RANBP17: variants seen among roughly 807,000 people sequenced by gnomAD.
The protein encoded by RANBP17 is ran-binding protein 17.
In RANBP17, 158 loss-of-function variants were observed where a neutral mutation model predicts 141.2. That is an observed-to-expected ratio of 1.12 (90% CI 0.98 to 1.28). The LOEUF is 1.28. Ranked by LOEUF, RANBP17 falls within the 50% of genes most tolerant of loss-of-function variation. The pLI is 0.00. For synonymous variants in RANBP17, 430 were observed against 450.0 expected (o/e 0.96, Z 0.56); for missense variants, 1,438 against 1,290.7 (o/e 1.11, Z -1.75).
At chr5:170,920,418 A>G (rs1581147929) in intron 11 of RANBP17, among the ~76,000 whole-genome samples, 1 of 152,088 alleles carries the variant, frequency 6.6e-6, no homozygotes, top group East Asian at 1.9e-4. Context: ...AATGTTGAGC[A>G]TATTTTCATG....
At chr5:170,889,105 C>T (rs1177084133) in intron 3 of RANBP17, among the ~76,000 whole-genome samples, 3 of 150,710 alleles carry the variant, frequency 2.0e-5, no homozygotes, top group Admixed American at 2.0e-4. Context: ...TCTTTCTCTC[C>T]TTGCTTTCTT....
intron 24 of RANBP17, among the ~76,000 whole-genome samples, chr5:171,253,349 T>C (rs1765697125): frequency 6.6e-6 from 1 of 152,238 alleles, no homozygotes; most frequent in Non-Finnish European, 1.5e-5. Flanking sequence ...GAATCTGTGC[T>C]GTACTGATAA....
intron 11 of RANBP17, among the ~76,000 whole-genome samples, chr5:170,920,879 G>A (rs1287296897): frequency 6.6e-6 from 1 of 152,110 alleles, no homozygotes; most frequent in Non-Finnish European, 1.5e-5. Flanking sequence ...TCTGTTGGCT[G>A]CATAAATGTC....
intron 14 of RANBP17, among the ~76,000 whole-genome samples, chr5:171,057,355 G>A (rs1021194125): frequency 8.6e-5 from 13 of 151,822 alleles, no homozygotes; most frequent in Non-Finnish European, 1.9e-4. Flanking sequence ...TTTTCATTTT[G>A]TACAATAAAG....
chr5:171,043,017 T>C (rs1244982574), intron 14 of RANBP17, among the ~76,000 whole-genome samples: 1 of 152,128 alleles, frequency 6.6e-6, no homozygotes, highest in Non-Finnish European at 1.5e-5. Flanking sequence ...GAGATATAGC[T>C]GATGGTGTGT....
chr5:171,036,306 A>G, intron 14 of RANBP17, among the ~76,000 whole-genome samples: 1 of 152,084 alleles, frequency 6.6e-6, no homozygotes, highest in East Asian at 1.9e-4. Flanking sequence ...TCCTGTGTTA[A>G]TTCACTTAAG....
At chr5:171,239,926 T>A (rs565420607) in intron 22 of RANBP17, among the ~76,000 whole-genome samples, 1 of 152,148 alleles carries the variant, frequency 6.6e-6, no homozygotes, top group Non-Finnish European at 1.5e-5. Context: ...TGGCAGCTAC[T>A]CCACTCCCAG....
At chr5:171,070,769 C>T (rs74927218) in intron 14 of RANBP17, among the ~76,000 whole-genome samples, 4,028 of 152,158 alleles carry the variant, frequency 0.026, 161 homozygotes, top group African/African-American at 0.091. Context: ...CTGAGTTAAT[C>T]TGCATGTTCT....
intron 21 of RANBP17, among the ~76,000 whole-genome samples, chr5:171,214,590 A>C (rs1008061008): frequency 6.6e-6 from 1 of 152,188 alleles, no homozygotes; most frequent in Non-Finnish European, 1.5e-5. Context: ...AGTTTTTCAC[A>C]GCAATAATTT....
chr5:171,261,200 G>T (rs1401064590), intron 24 of RANBP17, among the ~76,000 whole-genome samples: 1 of 149,386 alleles, frequency 6.7e-6, no homozygotes. Context: ...AACCTTGTAT[G>T]TGTTGGGTGC....
At chr5:171,289,547 G>C (rs1768360012) in intron 25 of RANBP17, among the ~76,000 whole-genome samples, 1 of 152,036 alleles carries the variant, frequency 6.6e-6, no homozygotes. Flanking sequence ...AGACCAGCCT[G>C]GGCAACAAAA....
chr5:171,242,209 T>C (rs867980039), intron 23 of RANBP17, among the ~76,000 whole-genome samples: 5 of 151,642 alleles, frequency 3.3e-5, no homozygotes, highest in Admixed American at 2.6e-4. Context: ...CATGCACTTA[T>C]CTTTTGCCTG....
intron 14 of RANBP17, among the ~76,000 whole-genome samples, chr5:171,154,848 G>T (rs1038707993): frequency 6.6e-6 from 1 of 151,928 alleles, no homozygotes; most frequent in South Asian, 2.1e-4. Flanking sequence ...GCCGAGGCAC[G>T]TGGAGCACCT....
chr5:170,916,626 G>T, intron 9 of RANBP17, 42 bp downstream of exon 9: 1 of 1,297,922 alleles, frequency 7.7e-7, no homozygotes, highest in Non-Finnish European at 1.0e-6. Flanking sequence ...TAGAGATACA[G>T]TTTTTCAGCT....
chr5:170,971,147 T>G (rs530930796), intron 14 of RANBP17, among the ~76,000 whole-genome samples: 1 of 152,352 alleles, frequency 6.6e-6, no homozygotes, highest in African/African-American at 2.4e-5. Context: ...CTTGAACATT[T>G]TATAAAAGCC....
chr5:171,222,556 C>CT (rs972362528), intron 22 of RANBP17, among the ~76,000 whole-genome samples: 2 of 152,134 alleles, frequency 1.3e-5, no homozygotes, highest in African/African-American at 4.8e-5. Flanking sequence ...TCCCTGTGTC[C>CT]TTTTTTTCCC....
At position 170,955,623 on chromosome 5, in the gene RANBP17, A is replaced by G. The variant is rs1174637244; in HGVS notation, c.1574+1921A>G. Among the ~76,000 whole-genome samples, 40 of 84,414 alleles carry G rather than the reference A, an allele frequency of 4.7e-4. 1 individual carries two copies. Among genetic ancestry groups the G allele is most frequent in the South Asian group, 1.2e-3 (3 of 2,478 alleles). The allele number at this position is 84,414 out of a possible 152,430, so 55.4% of individuals were successfully genotyped here. The stretch of plus-strand genomic sequence containing the variant: ...ATATATATATATGCTCAGTGTATAT[A>G]TATATATATATATATATGCTCAGTG... On this transcript the variant is annotated intron_variant, in intron 13 of 27. Coordinates refer to ENST00000523189, the MANE Select transcript of RANBP17 (RefSeq NM_022897.5).
At chr5:171,051,713 T>C (rs1207590792) in intron 14 of RANBP17, among the ~76,000 whole-genome samples, 1 of 152,190 alleles carries the variant, frequency 6.6e-6, no homozygotes, top group Non-Finnish European at 1.5e-5. Flanking sequence ...TTTTACAAGT[T>C]ACCATGTGGA....
chr5:171,004,015 G>C (rs1279048722), intron 14 of RANBP17, among the ~76,000 whole-genome samples: 1 of 152,142 alleles, frequency 6.6e-6, no homozygotes, highest in African/African-American at 2.4e-5. Context: ...AGAGTTGTCC[G>C]GTTTTTGAAT....
Sources: allele counts gnomAD v4.1 joint callset (sites outside exome capture counted in the v4.1 genomes callset), GRCh38; gene constraint gnomAD v4.1.1; transcripts MANE v1.5; gene names NCBI Gene and HGNC (gene_info 2026-07-23, HGNC 2026-07-21).